CFAP299: variants seen among roughly 807,000 people sequenced by gnomAD.
CFAP299 encodes the protein cilia- and flagella-associated protein 299.
In CFAP299, 21 loss-of-function variants were observed where a neutral mutation model predicts 27.0. The observed-to-expected ratio is 0.78, with a 90% confidence interval of 0.55 to 1.12. The LOEUF (loss-of-function observed/expected upper bound fraction) is 1.12, where lower values mean the gene tolerates loss of function less well. CFAP299 is among the 50% of genes most tolerant of loss of function. The probability of loss-of-function intolerance (pLI) is 0.00; values close to 1 mark genes in which losing one functional copy is unlikely to be tolerated. For missense variants in CFAP299, 310 were observed against 276.6 expected, an observed-to-expected ratio of 1.12 and a Z score of -0.86; for synonymous variants, 104 against 98.1, an observed-to-expected ratio of 1.06 and a Z score of -0.36.
At chr4:80,876,894 A>C (rs1319256900) in intron 4 of CFAP299, among the ~76,000 whole-genome samples, 1 of 152,192 alleles carries the variant, frequency 6.6e-6, no homozygotes, top group Non-Finnish European at 1.5e-5. Context: ...CCTGCTGTCC[A>C]CAGTTAAGAC....
At chr4:80,336,110 A>C (rs573384694) in intron 1 of CFAP299, among the ~76,000 whole-genome samples, 1 of 152,196 alleles carries the variant, frequency 6.6e-6, no homozygotes, top group Admixed American at 6.5e-5. Flanking sequence ...CAGCGCAGAA[A>C]CGCGCGGGCA....
chr4:80,700,066 G>A (rs1259451578), intron 3 of CFAP299, among the ~76,000 whole-genome samples: 5 of 152,112 alleles, frequency 3.3e-5, no homozygotes, highest in South Asian at 2.1e-4. Context: ...AACAGAATTT[G>A]GTACTAACCC....
intron 2 of CFAP299, among the ~76,000 whole-genome samples, chr4:80,415,742 C>T (rs528574437): frequency 1.8e-4 from 27 of 152,214 alleles, no homozygotes; most frequent in East Asian, 5.8e-4. Flanking sequence ...ATCCCACTGT[C>T]CAATTTTAGA....
At chr4:80,532,283 A>G (rs1351615434) in intron 2 of CFAP299, among the ~76,000 whole-genome samples, 2 of 152,234 alleles carry the variant, frequency 1.3e-5, no homozygotes, top group Admixed American at 1.3e-4. Context: ...AAGACAAATT[A>G]GCATGTAGAA....
intron 3 of CFAP299, among the ~76,000 whole-genome samples, chr4:80,766,530 G>A (rs924402928): frequency 6.6e-6 from 1 of 152,066 alleles, no homozygotes; most frequent in Admixed American, 6.6e-5. Flanking sequence ...TTTATATAGC[G>A]TTCAGACACA....
chr4:80,711,216 G>A (rs1269907849), intron 3 of CFAP299, among the ~76,000 whole-genome samples: 2 of 152,186 alleles, frequency 1.3e-5, no homozygotes, highest in Non-Finnish European at 2.9e-5. Flanking sequence ...GACCCTGAAA[G>A]CAGGGGAGAG....
chr4:80,870,001 C>T lies in CFAP299; in HGVS notation c.342C>T (p.Ile114=). The stretch of plus-strand genomic sequence containing the variant: ...CTATTCTGTGCTACCAGTCCGTGAT[C>T]TTTATTCGTGACAGAAATTCTCATG... ...DNRSGKLSSV[I]FIRDRNSHGQ... is the part of the protein sequence containing the mutation. Residue 114 remains isoleucine, a synonymous_variant, in exon 4 of 6, where the codon ATC becomes ATT. Coordinates refer to ENST00000358105, the MANE Select transcript of CFAP299 (RefSeq NM_152770.3). The T allele has an allele frequency of 6.2e-7, 1 of 1,610,462 alleles. No individual in the cohort carries two copies. Among genetic ancestry groups the T allele is most frequent in the South Asian group, 1.1e-5 (1 of 90,278 alleles).
chr4:80,810,745 T>C (rs1198386705), intron 3 of CFAP299, among the ~76,000 whole-genome samples: 1 of 152,138 alleles, frequency 6.6e-6, no homozygotes, highest in African/African-American at 2.4e-5. Context: ...TCTGTTGTTC[T>C]AAACCACACA....
chr4:80,951,614 A>G lies in CFAP299; in HGVS notation c.606+6675A>G, dbSNP rs576365199. Among the ~76,000 whole-genome samples, 3 of 152,242 alleles carry G rather than the reference A, an allele frequency of 2.0e-5. No individual in the cohort carries two copies. The South Asian group carries it at 6.2e-4, about 32-fold the overall frequency. Reference sequence around the variant, plus strand: ...CTCAAATTCACCAATCAGAGAACTCAAGGCTCTTCCCTTAGATATCAGACT... The same window carrying G: ...CTCAAATTCACCAATCAGAGAACTCGAGGCTCTTCCCTTAGATATCAGACT... On this transcript the variant is annotated intron_variant, in intron 5 of 5. Coordinates refer to ENST00000358105, the MANE Select transcript of CFAP299 (RefSeq NM_152770.3).
intron 3 of CFAP299, chr4:80,790,352 C>T (rs1473272651): frequency 6.6e-6 from 1 of 151,972 alleles, no homozygotes. Context: ...TCTTAGTGGT[C>T]AGAGCAATTT....
intron 3 of CFAP299, among the ~76,000 whole-genome samples, chr4:80,645,422 TA>T (rs938624001): frequency 6.6e-6 from 1 of 152,062 alleles, no homozygotes; most frequent in African/African-American, 2.4e-5. Context: ...GCTGGGAGGA[TA>T]AAAAAGTATC....
At chr4:80,371,536 C>T (rs1469209768) in intron 2 of CFAP299, among the ~76,000 whole-genome samples, 1 of 152,188 alleles carries the variant, frequency 6.6e-6, no homozygotes, top group African/African-American at 2.4e-5. Flanking sequence ...TCTTTGCTCA[C>T]ACATATGAAC....
the CFAP299 span, among the ~76,000 whole-genome samples, chr4:80,329,181 T>C: frequency 7.0e-6 from 1 of 143,332 alleles, no homozygotes. Context: ...AGCCAAAAGA[T>C]TGGATACCCC....
chr4:80,414,324 C>A (rs1296112558), intron 2 of CFAP299, among the ~76,000 whole-genome samples: 2 of 152,092 alleles, frequency 1.3e-5, no homozygotes, highest in Non-Finnish European at 2.9e-5. Flanking sequence ...CCCGCCTCGG[C>A]CTCCCAAAGT....
At chr4:80,447,158 C>T (rs1376068424) in intron 2 of CFAP299, among the ~76,000 whole-genome samples, 3 of 92,866 alleles carry the variant, frequency 3.2e-5, no homozygotes, top group East Asian at 3.5e-4. Context: ...TTTTTTGAGA[C>T]GGAGTCTCGC....
At chr4:80,891,830 G>GAAAAAAAAAAAA (rs35425830) in intron 4 of CFAP299, among the ~76,000 whole-genome samples, 3 of 53,990 alleles carry the variant, frequency 5.6e-5, no homozygotes, top group East Asian at 1.1e-3. Context: ...TAGATTAAAG[G>GAAAAAAAAAAAA]AAAAAAAAAA....
At chr4:80,328,923 A>G in the CFAP299 span, among the ~76,000 whole-genome samples, 2 of 152,272 alleles carry the variant, frequency 1.3e-5, no homozygotes, top group African/African-American at 4.8e-5. Context: ...CTTGCATTCT[A>G]TGGTATAGAA....
intron 3 of CFAP299, among the ~76,000 whole-genome samples, chr4:80,631,664 T>C (rs774675030): frequency 1.3e-5 from 2 of 152,178 alleles, no homozygotes; most frequent in Non-Finnish European, 2.9e-5. Context: ...TGTATAAACA[T>C]ATTACTTTCA....
chr4:80,743,879 A>G (rs1478504787), intron 3 of CFAP299, among the ~76,000 whole-genome samples: 2 of 152,314 alleles, frequency 1.3e-5, no homozygotes, highest in African/African-American at 2.4e-5. Context: ...CTGCCTACAC[A>G]TATAAAGTGA....
Sources: gnomAD v4.1 joint callset for allele counts (sites outside exome capture counted in the v4.1 genomes callset) on GRCh38, gnomAD v4.1.1 for gene constraint, MANE v1.5 for transcripts, NCBI Gene and HGNC (gene_info 2026-07-23, HGNC 2026-07-21) for gene names.